RNF212B: variants seen among roughly 807,000 people sequenced by gnomAD.
The protein encoded by RNF212B is E3 ubiquitin-protein ligase RNF212B.
RNF212B carries 52 observed loss-of-function variants against 55.5 expected under a neutral mutation model. The observed-to-expected ratio is 0.94, with a 90% CI of 0.75 to 1.18. The LOEUF (loss-of-function observed/expected upper bound fraction) is 1.18. Ranked by LOEUF, RNF212B falls within the 50% of genes most tolerant of loss-of-function variation. The probability of loss-of-function intolerance (pLI) is 0.00; values close to 1 mark genes in which losing one functional copy is unlikely to be tolerated. For missense variants in RNF212B, 289 were observed against 350.4 expected, an observed-to-expected ratio of 0.82 and a Z score of 1.40; for synonymous variants, 99 against 121.4, an observed-to-expected ratio of 0.82 and a Z score of 1.21.
At chr14:23,210,012 C>T (rs554238271) in intron 2 of RNF212B, among the ~76,000 whole-genome samples, 24 of 152,056 alleles carry the variant, frequency 1.6e-4, no homozygotes, top group Non-Finnish European at 2.9e-4. Flanking sequence ...AATTAGCTGG[C>T]ATGATGTGTG....
intron 2 of RNF212B, among the ~76,000 whole-genome samples, chr14:23,202,439 C>T (rs1359865510): frequency 2.6e-5 from 4 of 152,248 alleles, no homozygotes; most frequent in Non-Finnish European, 4.4e-5. Flanking sequence ...CCACCTCTTC[C>T]GTGATAGTCC....
Position 23,270,594 on chromosome 14 carries a change from C to T in RNF212B, c.773-6C>T, listed in dbSNP as rs1460932650. ...TTATCTTTCACTGTTCCATTCTATC[C>T]TTCAGCTCAGAGGGAGAGCACAACT... On this transcript the variant is annotated splice_region_variant and splice_polypyrimidine_tract_variant and intron_variant, in intron 13 of 14. Coordinates refer to ENST00000430154, the MANE Select transcript of RNF212B (RefSeq NM_001282322.3). The T allele has an allele frequency of 3.2e-6, 5 of 1,548,000 alleles. No homozygotes were observed. The Admixed American group carries it at 7.8e-5, about 24-fold the overall frequency.
At chr14:23,243,681 T>A (rs1485269209) in intron 3 of RNF212B, among the ~76,000 whole-genome samples, 2 of 86,844 alleles carry the variant, frequency 2.3e-5, no homozygotes, top group Admixed American at 1.9e-4. Context: ...GGGCTCAGAG[T>A]AAGACTCTGT....
chr14:23,232,254 C>T (rs1190279134), intron 2 of RNF212B, among the ~76,000 whole-genome samples: 4 of 151,148 alleles, frequency 2.6e-5, no homozygotes, highest in East Asian at 2.0e-4. Context: ...TCTGCCCCGC[C>T]GCCCCATCTG....
At chr14:23,211,417 G>A (rs1259653708) in intron 2 of RNF212B, among the ~76,000 whole-genome samples, 1 of 152,046 alleles carries the variant, frequency 6.6e-6, no homozygotes, top group Non-Finnish European at 1.5e-5. Flanking sequence ...TCACTGGTAA[G>A]TTCTACCAAA....
chr14:23,258,025 T>C (rs938114006), intron 4 of RNF212B, among the ~76,000 whole-genome samples: 1 of 152,182 alleles, frequency 6.6e-6, no homozygotes, highest in Non-Finnish European at 1.5e-5. Context: ...CATTCTACTA[T>C]GGTAGAATAT....
chr14:23,250,631 G>A (rs1884091584), intron 4 of RNF212B, among the ~76,000 whole-genome samples: 1 of 152,046 alleles, frequency 6.6e-6, no homozygotes, highest in African/African-American at 2.4e-5. Flanking sequence ...ATAAGCTACT[G>A]TAAACCCGGA....
At chr14:23,223,095 T>C (rs1003887582) in intron 2 of RNF212B, among the ~76,000 whole-genome samples, 11 of 150,412 alleles carry the variant, frequency 7.3e-5, no homozygotes, top group Non-Finnish European at 1.3e-4. Context: ...TTGTTCATCA[T>C]GATCAACTGA....
intron 2 of RNF212B, among the ~76,000 whole-genome samples, chr14:23,223,892 G>T (rs1881784786): frequency 2.0e-5 from 3 of 152,146 alleles, no homozygotes; most frequent in African/African-American, 7.2e-5. Context: ...ATCCAGTAAA[G>T]TTGCAGGATA....
chr14:23,267,330 G>A (rs887689800), intron 11 of RNF212B, among the ~76,000 whole-genome samples: 1 of 151,872 alleles, frequency 6.6e-6, no homozygotes, highest in African/African-American at 2.4e-5. Context: ...ATCAGTTTTT[G>A]CTTCATGTAT....
At chr14:23,190,983 C>T (rs777741142) in intron 1 of RNF212B, among the ~76,000 whole-genome samples, 39 of 152,212 alleles carry the variant, frequency 2.6e-4, no homozygotes, top group Non-Finnish European at 4.6e-4. Context: ...TTGGGGGTGT[C>T]CTCCCTTTCT....
At chr14:23,242,732 C>CG (rs1015977119) in intron 2 of RNF212B, among the ~76,000 whole-genome samples, 6 of 152,010 alleles carry the variant, frequency 3.9e-5, no homozygotes, top group Admixed American at 3.3e-4. Context: ...CACCACTTTG[C>CG]GGGGGCCAAG....
intron 2 of RNF212B, among the ~76,000 whole-genome samples, chr14:23,194,549 G>A (rs1878448912): frequency 6.6e-6 from 1 of 151,846 alleles, no homozygotes; most frequent in Non-Finnish European, 1.5e-5. Flanking sequence ...ACCACCCTGG[G>A]CAACATGGTG....
intron 2 of RNF212B, among the ~76,000 whole-genome samples, chr14:23,194,256 G>A (rs557435017): frequency 1.3e-5 from 2 of 152,140 alleles, no homozygotes; most frequent in Admixed American, 6.5e-5. Flanking sequence ...AAGGCAAAAA[G>A]CATCAATATA....
chr14:23,205,610 G>A (rs1879760953), intron 2 of RNF212B, among the ~76,000 whole-genome samples: 1 of 152,176 alleles, frequency 6.6e-6, no homozygotes, highest in South Asian at 2.1e-4. Context: ...TAACCTCCAA[G>A]CTGTCCTTGT....
At chr14:23,204,709 C>CT (rs763985396) in intron 2 of RNF212B, among the ~76,000 whole-genome samples, 32 of 152,094 alleles carry the variant, frequency 2.1e-4, no homozygotes, top group Non-Finnish European at 4.1e-4. Flanking sequence ...TATGCAGGCA[C>CT]TTTTTTCATT....
In RNF212B at chr14:23,264,652, T is replaced by G. The variant is rs572744463; in HGVS notation, c.615T>G (p.Thr205=). The G allele has an allele frequency of 1.5e-6, 2 of 1,327,722 alleles. No homozygotes were observed. The highest frequency in any genetic ancestry group is 5.0e-5 in the South Asian group (2 of 39,892). 82.2% of individuals were successfully genotyped at this position (1,327,722 alleles called of 1,614,324 possible). Residue 205 remains threonine (T), a synonymous_variant, in exon 11 of 15, where the codon ACT becomes ACG. Transcript: ENST00000430154. ...QGGRGLQGRR[T]PRDSYNETPS... Reference sequence around the variant, plus strand: ...GCAGAGGTCTGCAGGGAAGGAGAACTCCCAGAGACTCTTATAATGGTGAGG... The same window carrying G: ...GCAGAGGTCTGCAGGGAAGGAGAACGCCCAGAGACTCTTATAATGGTGAGG...
intron 2 of RNF212B, among the ~76,000 whole-genome samples, chr14:23,226,732 C>T (rs985583374): frequency 1.3e-5 from 2 of 151,460 alleles, no homozygotes; most frequent in Non-Finnish European, 2.9e-5. Flanking sequence ...CGTCTTATCT[C>T]GGCTAGTCCC....
At chr14:23,222,339 A>G (rs1881645266) in intron 2 of RNF212B, among the ~76,000 whole-genome samples, 1 of 152,154 alleles carries the variant, frequency 6.6e-6, no homozygotes, top group South Asian at 2.1e-4. Flanking sequence ...AAGGGTTATT[A>G]ATGGCTACTA....
Sources: gnomAD v4.1 joint callset for allele counts (sites outside exome capture counted in the v4.1 genomes callset) on GRCh38, gnomAD v4.1.1 for gene constraint, MANE v1.5 for transcripts, NCBI Gene and HGNC (gene_info 2026-07-23, HGNC 2026-07-21) for gene names.